The following SMARCA2 variants were observed in gnomAD, a reference collection of about 807,000 sequenced individuals.
SMARCA2 encodes the protein SWI/SNF related BAF chromatin remodeling complex subunit ATPase 2.
Under a neutral mutation model 199.8 loss-of-function variants are expected in SMARCA2, and 61 were observed. The ratio of observed to expected loss-of-function variants is 0.31; its 90% CI spans 0.25 to 0.38. The LOEUF is 0.38. SMARCA2 is among the 10% of genes least tolerant of loss of function. The probability of loss-of-function intolerance (pLI) is 1.00; values close to 1 mark genes in which losing one functional copy is unlikely to be tolerated. For missense variants in SMARCA2, 1,344 were observed against 2,012.2 expected (o/e 0.67, Z 6.35); for synonymous variants, 935 against 732.0 (o/e 1.28, Z -4.48).
chr9:2,123,631 A>G lies in SMARCA2; in HGVS notation c.3763-88A>G. ...TTGAAAGGGACCCTGCAGCCATAGG[A>G]AGTGACTTGGGGAAGTTGTGTAGTG... On this transcript the variant is annotated intron_variant, in intron 26 of 33. Coordinates refer to ENST00000349721, the MANE Select transcript of SMARCA2 (RefSeq NM_003070.5). This position sits in a 1 kb window ranked among gnomAD's most constrained non-coding sequence, Gnocchi z 4.1. 8.8e-7 allele frequency: 1 copy of G among 1,133,038 alleles called. No individual in the cohort carries two copies. Among genetic ancestry groups the G allele is most frequent in the Non-Finnish European group, 1.3e-6 (1 of 758,544 alleles). The allele number at this position is 1,133,038 out of a possible 1,614,324, so 70.2% of individuals were successfully genotyped here.
rs764576819 is a variant in SMARCA2 at position 2,161,878 on chromosome 9, G to A, written c.4174G>A (p.Asp1392Asn). The change falls in exon 28 of 34, where the codon GAT (aspartate) becomes AAT (asparagine). Residue 1392 changes from aspartate (D) to asparagine (N), a missense_variant. Asp to Asn is a conservative substitution (Grantham distance 23). Transcript: ENST00000349721. The surrounding 1 kb of genome is among the most constrained non-coding windows in gnomAD (Gnocchi z 4.7). ...GACAAAGCAGATGAACGCTATCATC[G>A]ATACTGTGATAAACTACAAAGATAG... ...KLTKQMNAII[D>N]TVINYKDRCN... The A allele has an allele frequency of 2.3e-5, 37 of 1,613,920 alleles. No individual in the cohort carries two copies. The highest frequency in any genetic ancestry group is 3.0e-5 in the Non-Finnish European group (35 of 1,179,840).
intron 27 of SMARCA2, among the ~76,000 whole-genome samples, chr9:2,147,171 A>G (rs1018687156): frequency 6.6e-6 from 1 of 151,712 alleles, no homozygotes; most frequent in African/African-American, 2.4e-5. Flanking sequence ...GATACAGCTC[A>G]TAACTATTTA....
chr9:2,141,530 G>A (rs1445275799), intron 27 of SMARCA2, among the ~76,000 whole-genome samples: 3 of 152,100 alleles, frequency 2.0e-5, no homozygotes, highest in African/African-American at 4.8e-5. Context: ...AGCATTGAAC[G>A]TCTTCAAGCC....
At chr9:2,025,990 G>A (rs1818812001) in intron 1 of SMARCA2, among the ~76,000 whole-genome samples, 1 of 152,134 alleles carries the variant, frequency 6.6e-6, no homozygotes, top group African/African-American at 2.4e-5. Context: ...ATGCTCTGGA[G>A]GCAGCAGGCA....
At chr9:2,181,727 G>A (rs751877974) in intron 30 of SMARCA2, 51 bp downstream of exon 30, 1 of 979,558 alleles carries the variant, frequency 1.0e-6, no homozygotes, top group Non-Finnish European at 1.6e-6. Flanking sequence ...AAGGAGCAGT[G>A]TAAAGTCATT....
At position 2,097,453 on chromosome 9, in the gene SMARCA2, T is replaced by C. The variant is rs776325490; in HGVS notation, c.3060T>C (p.Tyr1020=). 6.2e-6 allele frequency: 10 copies of C among 1,608,230 alleles called. No individual in the cohort carries two copies. Among genetic ancestry groups the C allele is most frequent in the Admixed American group, 1.7e-5 (1 of 59,978 alleles). ...TGAGAAAAATCTGCAACCACCCATA[T>C]ATGTTTCAGCACATTGAGGTAAGTC... is the stretch of plus-strand genomic sequence containing the variant. The part of the protein sequence containing the change: ...MQLRKICNHP[Y]MFQHIEESFA... The change falls in exon 21 of 34, where the codon TAT becomes TAC. Residue 1020 remains tyrosine (Y), a synonymous_variant. Coordinates refer to ENST00000349721, the MANE Select transcript of SMARCA2 (RefSeq NM_003070.5).
At position 2,056,396 on chromosome 9, in the gene SMARCA2, G is replaced by C. The variant is rs926062970; in HGVS notation, c.1174-276G>C. Among the ~76,000 whole-genome samples the C allele has an allele frequency of 3.3e-5, 5 of 152,156 alleles. No homozygotes were observed. Among genetic ancestry groups the C allele is most frequent in the Admixed American group, 3.3e-4 (5 of 15,270 alleles). On this transcript the variant is annotated intron_variant, in intron 6 of 33. Transcript: ENST00000349721. The surrounding 1 kb of genome is among the most constrained non-coding windows in gnomAD (Gnocchi z 4.0). Reference sequence around the variant, plus strand: ...TTAGAGAAAATGAAGTTATTTAAAAGGCAAGACAACATCTTTTCTTTCTTT... The same window carrying C: ...TTAGAGAAAATGAAGTTATTTAAAACGCAAGACAACATCTTTTCTTTCTTT...
chr9:2,116,096 G>A (rs758874368), intron 25 of SMARCA2, 47 bp downstream of exon 25: 16 of 1,360,914 alleles, frequency 1.2e-5, no homozygotes, highest in East Asian at 2.3e-5. Flanking sequence ...GTGGCCTTTT[G>A]TCTCTGAAGG....
In SMARCA2 at chr9:2,047,581, C is replaced by G. The variant is rs76707719; in HGVS notation, c.1046+97C>G. 7.5e-4 allele frequency: 882 copies of G among 1,182,556 alleles called. 12 individuals carry two copies. The East Asian group carries it at 0.023, about 30-fold the overall frequency. 73.3% of individuals were successfully genotyped at this position (1,182,556 alleles called of 1,614,324 possible). A position where few individuals can be genotyped will look rare whatever the true frequency, so the allele number is the denominator to read the frequency against. On this transcript the variant is annotated intron_variant, in intron 5 of 33. Transcript: ENST00000349721. ...GCGCCTGCCTCCTTGGTTGGCCAAACTGTGATTTTCACCCGTGCGGTCGGA... is the reference window on the plus strand; with the variant it reads ...GCGCCTGCCTCCTTGGTTGGCCAAAGTGTGATTTTCACCCGTGCGGTCGGA...
intron 29 of SMARCA2, among the ~76,000 whole-genome samples, chr9:2,175,850 A>G (rs1315230323): frequency 6.6e-6 from 1 of 151,604 alleles, no homozygotes; most frequent in Non-Finnish European, 1.5e-5. Context: ...CTACAATTTG[A>G]TATCCTCTGT....
chr9:2,098,354 G>A (rs530153227), intron 21 of SMARCA2, among the ~76,000 whole-genome samples: 2 of 152,314 alleles, frequency 1.3e-5, no homozygotes, highest in South Asian at 2.1e-4. Context: ...TTGAGTTGGA[G>A]CACTCTTCTT....
At chr9:2,073,700 G>A (rs1821187474) in intron 12 of SMARCA2, 77 bp downstream of exon 12, 15 of 1,088,074 alleles carry the variant, frequency 1.4e-5, no homozygotes, top group African/African-American at 4.6e-5. Flanking sequence ...ATGTAAGCCC[G>A]GGCCTTGGGT....
intron 3 of SMARCA2, among the ~76,000 whole-genome samples, chr9:2,034,017 C>T (rs560667828): frequency 1.2e-4 from 19 of 152,076 alleles, no homozygotes; most frequent in Middle Eastern, 6.8e-3. Flanking sequence ...GAGGCTGAGA[C>T]GGGCGGATCA....
rs139492967 is a variant in SMARCA2 at position 2,179,818 on chromosome 9, C to G, written c.4254-1753C>G. Among the ~76,000 whole-genome samples the G allele has an allele frequency of 9.7e-4, 147 of 152,160 alleles. 1 individual carries two copies. The highest frequency in any genetic ancestry group is 3.4e-3 in the Middle Eastern group (1 of 294). On this transcript the variant is annotated intron_variant, in intron 29 of 33. Coordinates refer to ENST00000349721, the MANE Select transcript of SMARCA2 (RefSeq NM_003070.5). ...TTGAGGGAGAGTCAGGTGTTAAATC[C>G]GCGATTACAAAGAGGTCTGACTTTT...
intron 19 of SMARCA2, 62 bp downstream of exon 19, chr9:2,088,675 C>A (rs1181962754): frequency 2.8e-6 from 3 of 1,089,946 alleles, no homozygotes; most frequent in Non-Finnish European, 4.1e-6. Flanking sequence ...ATTTGAAGTA[C>A]CTGCCTCTGA....
intron 19 of SMARCA2, among the ~76,000 whole-genome samples, chr9:2,089,662 C>T (rs1821965935): frequency 6.6e-6 from 1 of 152,144 alleles, no homozygotes; most frequent in Non-Finnish European, 1.5e-5. Flanking sequence ...TTTTATTCTG[C>T]TGGTGAATGC....
rs1288072115 is a variant in SMARCA2, at chr9:2,187,440, G to T, written c.4594+1212G>T. Among the ~76,000 whole-genome samples the T allele has an allele frequency of 2.6e-5, 4 of 152,160 alleles. No homozygotes were observed. In the East Asian group the frequency reaches 7.7e-4, roughly 29 times the overall value. On this transcript the variant is annotated intron_variant, in intron 32 of 33. Coordinates refer to ENST00000349721, the MANE Select transcript of SMARCA2 (RefSeq NM_003070.5). ...TAATCCGAGCACTCTGGGAGGCTGA[G>T]GCAGAAGGATAGCTTGAGGCTAGGA...
In SMARCA2 at chr9:2,141,926, C is replaced by T. The variant is rs118089065; in HGVS notation, c.3981+17989C>T. On this transcript the variant is annotated intron_variant, in intron 27 of 33. Coordinates refer to ENST00000349721, the MANE Select transcript of SMARCA2 (RefSeq NM_003070.5). The stretch of plus-strand genomic sequence containing the variant: ...GATCAGCAACAGGTGGTCTAGCTGG[C>T]CCGGGGAGGACTTACGCAGAATTGA... Among the ~76,000 whole-genome samples, 714 of 152,230 alleles carry T rather than the reference C, an allele frequency of 4.7e-3. 18 individuals carry two copies. Among genetic ancestry groups the T allele is most frequent in the East Asian group, 0.03 (157 of 5,180 alleles).
At chr9:2,145,328 AAGAG>A (rs1563800521) in intron 27 of SMARCA2, among the ~76,000 whole-genome samples, 5 of 151,414 alleles carry the variant, frequency 3.3e-5, no homozygotes, top group South Asian at 2.1e-4. Context: ...AAAAAAAAAA[AAGAG>A]AGAGAAACCC....
Sources: gnomAD v4.1 joint callset for allele counts (sites outside exome capture counted in the v4.1 genomes callset) on GRCh38, gnomAD v4.1.1 for gene constraint, Gnocchi (gnomAD v3.1) non-coding constraint, MANE v1.5 for transcripts, NCBI Gene and HGNC (gene_info 2026-07-23, HGNC 2026-07-21) for gene names.